The following UBR2 variants were observed in gnomAD, a reference collection of about 807,000 sequenced individuals.
UBR2 encodes E3 ubiquitin-protein ligase UBR2.
Under a neutral mutation model 247.9 loss-of-function variants are expected in UBR2, and 92 were observed. The observed-to-expected ratio is 0.37, with a 90% CI of 0.31 to 0.44. The LOEUF (loss-of-function observed/expected upper bound fraction) is 0.44. Among genes scored for constraint, UBR2 ranks in the 20% least tolerant of loss-of-function variants. The pLI, the probability that UBR2 is intolerant of heterozygous loss-of-function variation, is 1.00. For synonymous variants in UBR2, 672 were observed against 693.5 expected (o/e 0.97, Z 0.49); for missense variants, 1,613 against 2,112.6 (o/e 0.76, Z 4.64).
intron 14 of UBR2, 126 bp downstream of exon 14, chr6:42,635,672 T>C: frequency 8.5e-7 from 1 of 1,171,342 alleles, no homozygotes; most frequent in Non-Finnish European, 1.2e-6. Flanking sequence ...AAACAGCGTA[T>C]TTTCCTTCTC....
intron 43 of UBR2, among the ~76,000 whole-genome samples, 164 bp from the exon 44 acceptor site, chr6:42,684,630 T>C (rs577197749): frequency 6.0e-5 from 9 of 150,470 alleles, no homozygotes. Context: ...TCTAAAATAA[T>C]CCCCCCTTCA....
intron 5 of UBR2, among the ~76,000 whole-genome samples, chr6:42,605,018 C>A (rs1021366182): frequency 7.9e-5 from 12 of 151,646 alleles, no homozygotes; most frequent in African/African-American, 2.4e-4. Flanking sequence ...CAGAGTGAGA[C>A]CCTATCTCAA....
chr6:42,607,693 TGTCCCACCACTCCCAGCTG>T (rs1562303947), intron 7 of UBR2, among the ~76,000 whole-genome samples: 7,182 of 98,760 alleles, frequency 0.073, 498 homozygotes, highest in African/African-American at 0.15. Context: ...AGGACAGGCA[TGTCCCACCACTCCCAGCTG>T]TTTTTTTTTT....
intron 36 of UBR2, among the ~76,000 whole-genome samples, chr6:42,672,793 C>A (rs904588094): frequency 2.0e-5 from 3 of 152,124 alleles, no homozygotes; most frequent in African/African-American, 7.2e-5. Context: ...TGCCTGCCTC[C>A]TTCCCCACTT....
intron 32 of UBR2, chr6:42,664,240 C>T (rs184088290): frequency 6.8e-4 from 104 of 152,230 alleles, no homozygotes; most frequent in African/African-American, 2.2e-3. Context: ...AAGGATGACA[C>T]ACAAATTCAT....
In UBR2 at chr6:42,665,348, A is replaced by C. The variant is rs188594777; in HGVS notation, c.3699-61A>C. ...AAAATATGCCTGTGATCATTTAAGGAGTCTTTTGTATCTTAAGGAACAATA... is the reference window on the plus strand; with the variant it reads ...AAAATATGCCTGTGATCATTTAAGGCGTCTTTTGTATCTTAAGGAACAATA... On this transcript the variant is annotated intron_variant, in intron 32 of 46. Coordinates refer to ENST00000372901, the MANE Select transcript of UBR2 (RefSeq NM_001363705.2). 2.4e-4 allele frequency: 295 copies of C among 1,232,846 alleles called. No individual in the cohort carries two copies. In the Middle Eastern group the frequency reaches 3.5e-3, roughly 15 times the overall value. The allele number at this position is 1,232,846 out of a possible 1,614,324, so 76.4% of individuals were successfully genotyped here. A position where few individuals can be genotyped will look rare whatever the true frequency, so the allele number is the denominator to read the frequency against.
At chr6:42,567,077 G>A (rs1790823246) in intron 1 of UBR2, among the ~76,000 whole-genome samples, 1 of 152,132 alleles carries the variant, frequency 6.6e-6, no homozygotes, top group South Asian at 2.1e-4. Flanking sequence ...GTGATTGTAG[G>A]CTTTAGACCT....
intron 36 of UBR2, among the ~76,000 whole-genome samples, chr6:42,672,573 C>G (rs1798509874): frequency 6.6e-6 from 1 of 152,074 alleles, no homozygotes; most frequent in African/African-American, 2.4e-5. Flanking sequence ...TCTCCATTAT[C>G]ACCTCCTGCC....
intron 25 of UBR2, 103 bp from the exon 26 acceptor site, chr6:42,655,517 TA>T: frequency 1.6e-6 from 1 of 633,506 alleles, no homozygotes; most frequent in African/African-American, 2.0e-5. Context: ...TAGTATTTCA[TA>T]GTTTGATTTA....
At chr6:42,653,502 A>G (rs1797243011) in intron 25 of UBR2, among the ~76,000 whole-genome samples, 1 of 151,870 alleles carries the variant, frequency 6.6e-6, no homozygotes, top group African/African-American at 2.4e-5. Context: ...GAGGAAGCCA[A>G]GTTTCAATGA....
Position 42,659,871 on chromosome 6 carries a change from AT to A in UBR2, c.3442+17del. 6.2e-7 allele frequency: 1 copy of A among 1,610,824 alleles called. No individual in the cohort carries two copies. The highest frequency in any genetic ancestry group is 1.1e-5 in the South Asian group (1 of 90,960). ...CAAGATCCAGGTAAGTCATAGCTAGATCCTCATCTTCCCTTTTAATAACAAC... is the reference window on the plus strand; with the variant it reads ...CAAGATCCAGGTAAGTCATAGCTAGACCTCATCTTCCCTTTTAATAACAAC... On this transcript the variant is annotated intron_variant, in intron 30 of 46. Transcript: ENST00000372901. This position sits in a 1 kb window ranked among gnomAD's most constrained non-coding sequence, Gnocchi z 4.3.
At chr6:42,615,710 A>G (rs1195785027) in intron 9 of UBR2, among the ~76,000 whole-genome samples, 2 of 151,476 alleles carry the variant, frequency 1.3e-5, no homozygotes, top group Non-Finnish European at 2.9e-5. Flanking sequence ...GGATCACTTG[A>G]GCTAGGAGTT....
In UBR2 at chr6:42,582,047, G is replaced by A. The variant is rs556364860; in HGVS notation, c.338+8054G>A. Among the ~76,000 whole-genome samples, 8 of 152,238 alleles carry A rather than the reference G, an allele frequency of 5.3e-5. No individual in the cohort carries two copies. The South Asian group carries it at 1.5e-3, about 28-fold the overall frequency. ...ACCTGTAATCCCAGCACTTTGGGAGGCCGAGGTGGGTGGATCACGAGGTCC... is the reference window on the plus strand; with the variant it reads ...ACCTGTAATCCCAGCACTTTGGGAGACCGAGGTGGGTGGATCACGAGGTCC... On this transcript the variant is annotated intron_variant, in intron 2 of 46. Coordinates refer to ENST00000372901, the MANE Select transcript of UBR2 (RefSeq NM_001363705.2).
intron 34 of UBR2, among the ~76,000 whole-genome samples, chr6:42,667,851 C>T (rs573060755): frequency 3.8e-4 from 57 of 151,198 alleles, no homozygotes; most frequent in African/African-American, 1.2e-3. Context: ...CCTCCCCTCC[C>T]GGGTTCAAAC....
intron 2 of UBR2, among the ~76,000 whole-genome samples, chr6:42,575,977 TTTTTCATA>T (rs1791477563): frequency 6.6e-6 from 1 of 152,186 alleles, no homozygotes; most frequent in Non-Finnish European, 1.5e-5. Context: ...ATCTTTGTTC[TTTTTCATA>T]TCTCTATCAT....
At chr6:42,564,585 C>T (rs1004502727) in intron 1 of UBR2, among the ~76,000 whole-genome samples, 188 bp downstream of exon 1, 3 of 152,208 alleles carry the variant, frequency 2.0e-5, no homozygotes, top group Non-Finnish European at 4.4e-5. Flanking sequence ...TTTTCAACAG[C>T]TGCCAGAGCT....
In UBR2 at chr6:42,611,201, G is replaced by A. The variant is rs534223940; in HGVS notation, c.865-970G>A. 5.4e-5 allele frequency among the ~76,000 whole-genome samples: 8 copies of A among 148,664 alleles called. No homozygotes were observed. In the East Asian group the frequency reaches 6.2e-4, roughly 12 times the overall value. On this transcript the variant is annotated intron_variant, in intron 7 of 46. Coordinates refer to ENST00000372901, the MANE Select transcript of UBR2 (RefSeq NM_001363705.2). ...ACATGGGCTGGGCGCGGTGGCTCAC[G>A]CCTGTAATCCCAGCACTTTGGGAGG...
rs115289439 is a variant in UBR2, at chr6:42,594,461, C to T, written c.531+157C>T. On this transcript the variant is annotated intron_variant, in intron 4 of 46. Transcript: ENST00000372901. ...TTCTTTGCATTTTGTGGATGCTGTA[C>T]GGTTGCTAATAGTACACAGTTGAAA... Among the ~76,000 whole-genome samples, 633 of 152,252 alleles carry T rather than the reference C, an allele frequency of 4.2e-3. 4 individuals carry two copies. The highest frequency in any genetic ancestry group is 0.015 in the African/African-American group (603 of 41,552).
At chr6:42,586,394 G>A (rs1263423983) in intron 2 of UBR2, among the ~76,000 whole-genome samples, 1 of 152,056 alleles carries the variant, frequency 6.6e-6, no homozygotes, top group Non-Finnish European at 1.5e-5. Flanking sequence ...TTATGGTTCG[G>A]CAACATGGTC....
Sources: allele counts gnomAD v4.1 joint callset (sites outside exome capture counted in the v4.1 genomes callset), GRCh38; gene constraint gnomAD v4.1.1; non-coding constraint Gnocchi (gnomAD v3.1); transcripts MANE v1.5; gene names NCBI Gene and HGNC (gene_info 2026-07-23, HGNC 2026-07-21).